Variants in DOCK3 observed in about 807,000 individuals in gnomAD.
DOCK3 encodes dedicator of cytokinesis protein 3.
DOCK3 carries 60 observed loss-of-function variants against 265.6 expected under a neutral mutation model. The observed-to-expected ratio is 0.23, with a 90% CI of 0.18 to 0.28. The LOEUF (loss-of-function observed/expected upper bound fraction) is 0.28. Ranked by LOEUF, DOCK3 falls within the 10% of genes least tolerant of loss-of-function variation. DOCK3 has a pLI of 1.00. For missense variants in DOCK3, 1,981 were observed against 2,594.3 expected (o/e 0.76, Z 5.14); for synonymous variants, 881 against 938.0 (o/e 0.94, Z 1.11).
chr3:51,277,253 A>G lies in DOCK3; in HGVS notation c.2677-355A>G, dbSNP rs185057073. ...ACTTTATCATTCCAAAAGTGTCAGC[A>G]GAGTTTTGCCTTCTCCTGACTATTC... is the stretch of plus-strand genomic sequence containing the variant. On this transcript the variant is annotated intron_variant, in intron 25 of 52. Coordinates refer to ENST00000266037, the MANE Select transcript of DOCK3 (RefSeq NM_004947.5). Among the ~76,000 whole-genome samples, 87 of 152,380 alleles carry G rather than the reference A, an allele frequency of 5.7e-4. 1 individual carries two copies. The East Asian group carries it at 0.015, about 27-fold the overall frequency.
intron 43 of DOCK3, among the ~76,000 whole-genome samples, chr3:51,356,746 G>A (rs1275286100): frequency 6.6e-6 from 1 of 152,130 alleles, no homozygotes; most frequent in Non-Finnish European, 1.5e-5. Flanking sequence ...CAAGAAACCA[G>A]AGTGCTCTGA....
intron 27 of DOCK3, among the ~76,000 whole-genome samples, chr3:51,305,650 A>G (rs1307135942): frequency 1.4e-5 from 2 of 146,204 alleles, no homozygotes; most frequent in Admixed American, 1.4e-4. Context: ...TTGTTCCTCC[A>G]TTACTGCCTT....
At chr3:51,304,548 C>T (rs2082543320) in intron 27 of DOCK3, among the ~76,000 whole-genome samples, 1 of 152,224 alleles carries the variant, frequency 6.6e-6, no homozygotes, top group Non-Finnish European at 1.5e-5. Context: ...AGCTGAGTGG[C>T]CGCTGAGAAT....
intron 10 of DOCK3, among the ~76,000 whole-genome samples, chr3:51,154,021 G>C (rs894593442): frequency 3.3e-5 from 5 of 152,218 alleles, no homozygotes; most frequent in African/African-American, 9.6e-5. Context: ...GTGTGTGATT[G>C]ATGGGACAGA....
chr3:50,957,958 GT>G (rs1443291472), intron 5 of DOCK3, among the ~76,000 whole-genome samples: 1 of 152,002 alleles, frequency 6.6e-6, no homozygotes, highest in Non-Finnish European at 1.5e-5. Flanking sequence ...TTAATTTAGT[GT>G]TTTTTGTTTT....
chr3:50,962,492 A>G (rs1246876568), intron 5 of DOCK3, among the ~76,000 whole-genome samples: 2 of 152,210 alleles, frequency 1.3e-5, no homozygotes, highest in African/African-American at 4.8e-5. Context: ...GATACCTGCC[A>G]TGGAACACAG....
In DOCK3 at chr3:50,685,118, C is replaced by G. The variant is rs567167131; in HGVS notation, c.37+9818C>G. ...CTTATAATCTACTTTTATTTTAAAT[C>G]TATTATACTTTGAACATGTTCTAAT... On this transcript the variant is annotated intron_variant, in intron 1 of 52. Coordinates refer to ENST00000266037, the MANE Select transcript of DOCK3 (RefSeq NM_004947.5). 1.8e-4 allele frequency among the ~76,000 whole-genome samples: 27 copies of G among 152,054 alleles called. 1 individual carries two copies. The South Asian group carries it at 5.4e-3, about 30-fold the overall frequency.
chr3:51,339,081 A>G, intron 37 of DOCK3, 53 bp downstream of exon 37: 1 of 1,429,714 alleles, frequency 7.0e-7, no homozygotes, highest in South Asian at 1.4e-5. Flanking sequence ...AACTGAAGGG[A>G]TTTGTACAAT....
chr3:51,179,985 A>T (rs961882098), intron 12 of DOCK3, among the ~76,000 whole-genome samples: 1 of 152,014 alleles, frequency 6.6e-6, no homozygotes, highest in African/African-American at 2.4e-5. Flanking sequence ...AGGTGGGTGG[A>T]TCATTTGAGG....
chr3:51,179,739 C>T (rs2087168963), intron 12 of DOCK3, among the ~76,000 whole-genome samples: 1 of 151,880 alleles, frequency 6.6e-6, no homozygotes, highest in East Asian at 1.9e-4. Context: ...AGTGAGGATC[C>T]CCATCTCTAC....
At chr3:51,047,320 G>C (rs2080816199) in intron 5 of DOCK3, among the ~76,000 whole-genome samples, 1 of 151,512 alleles carries the variant, frequency 6.6e-6, no homozygotes, top group South Asian at 2.1e-4. Context: ...ATGAGTTAAT[G>C]GGTGCAGCAC....
chr3:51,089,966 T>C (rs1432609968), intron 8 of DOCK3, among the ~76,000 whole-genome samples: 7 of 150,594 alleles, frequency 4.6e-5, no homozygotes, highest in Admixed American at 4.0e-4. Context: ...ATTTGTCACC[T>C]GGTGGAGATT....
At chr3:51,271,808 G>A (rs1190956991) in intron 24 of DOCK3, among the ~76,000 whole-genome samples, 2 of 146,248 alleles carry the variant, frequency 1.4e-5, no homozygotes, top group Non-Finnish European at 3.0e-5. Flanking sequence ...CCAAGATCAC[G>A]CCATTGTACT....
Position 51,090,278 on chromosome 3 carries a change from C to A in DOCK3, c.640C>A (p.Pro214Thr), listed in dbSNP as rs1286624327. 2 of 1,599,476 alleles carry A rather than the reference C, an allele frequency of 1.3e-6. No homozygotes were observed. The highest frequency in any genetic ancestry group is 1.7e-5 in the Admixed American group (1 of 57,918). The change falls in exon 9 of 53, where the codon CCA (proline) becomes ACA (threonine). Residue 214 changes from proline to threonine, a missense_variant. Transcript: ENST00000266037. ...TGGGGAAACATGTCGGATGCCAGTGCCACATCACTTCTTCCTCAGCCTGAA... is the reference window on the plus strand; with the variant it reads ...TGGGGAAACATGTCGGATGCCAGTGACACATCACTTCTTCCTCAGCCTGAA... ...RHGETCRMPV[P>T]HHFFLSLKSF...
intron 40 of DOCK3, among the ~76,000 whole-genome samples, chr3:51,352,820 T>A (rs2110228334): frequency 6.6e-6 from 1 of 152,332 alleles, no homozygotes; most frequent in South Asian, 2.1e-4. Flanking sequence ...GTGGGGATGC[T>A]GGAGCTCTTG....
intron 27 of DOCK3, among the ~76,000 whole-genome samples, chr3:51,293,583 G>A (rs1253946695): frequency 6.6e-6 from 1 of 152,096 alleles, no homozygotes; most frequent in Admixed American, 6.6e-5. Context: ...GATCCCTAAA[G>A]CACTGGCAAT....
chr3:51,212,062 AC>A (rs1185916028), intron 13 of DOCK3, among the ~76,000 whole-genome samples: 1 of 152,156 alleles, frequency 6.6e-6, no homozygotes, highest in Non-Finnish European at 1.5e-5. Flanking sequence ...TGCTTCAGTC[AC>A]CCAGGGTTTC....
At chr3:50,828,078 G>A (rs780823135) in intron 2 of DOCK3, among the ~76,000 whole-genome samples, 2 of 151,698 alleles carry the variant, frequency 1.3e-5, no homozygotes, top group South Asian at 2.1e-4. Context: ...ACAGTTGTGC[G>A]CCACCATGCC....
chr3:51,091,684 A>C (rs1411685637), intron 9 of DOCK3, among the ~76,000 whole-genome samples: 11 of 149,388 alleles, frequency 7.4e-5, no homozygotes, highest in Admixed American at 6.7e-4. Flanking sequence ...CTTGGTCTCA[A>C]AAAAAAAAAA....
Sources: gnomAD v4.1 joint callset for allele counts (sites outside exome capture counted in the v4.1 genomes callset) on GRCh38, gnomAD v4.1.1 for gene constraint, MANE v1.5 for transcripts, NCBI Gene and HGNC (gene_info 2026-07-23, HGNC 2026-07-21) for gene names.